The following PMEL variants were observed in gnomAD, a reference collection of about 807,000 sequenced individuals.
PMEL encodes premelanosome protein.
Under a neutral mutation model 64.9 loss-of-function variants are expected in PMEL, and 53 were observed. The observed-to-expected ratio is 0.82, with a 90% CI of 0.66 to 1.03. The LOEUF (loss-of-function observed/expected upper bound fraction) is 1.03. PMEL is among the 50% of genes least tolerant of loss of function. The pLI, the probability that PMEL is intolerant of heterozygous loss-of-function variation, is 0.00. For synonymous variants in PMEL, 299 were observed against 316.2 expected (o/e 0.95, Z 0.58); for missense variants, 716 against 814.9 (o/e 0.88, Z 1.48).
chr12:55,965,116 C>T (rs994939459), intron 1 of PMEL, among the ~76,000 whole-genome samples: 3 of 149,804 alleles, frequency 2.0e-5, no homozygotes, highest in Admixed American at 6.7e-5. Context: ...TTAGTAGAGA[C>T]GGGGGTTTCA....
chr12:55,962,634 G>C (rs1421885807), intron 1 of PMEL, among the ~76,000 whole-genome samples: 1 of 137,154 alleles, frequency 7.3e-6, no homozygotes, highest in African/African-American at 2.8e-5. Context: ...AGCAATTCTC[G>C]TTCCTCAGCC....
intron 3 of PMEL, among the ~76,000 whole-genome samples, chr12:55,959,791 C>T (rs1453553956): frequency 2.6e-5 from 4 of 152,020 alleles, no homozygotes; most frequent in African/African-American, 4.8e-5. Flanking sequence ...AGCGACACAG[C>T]GAGACTCTGT....
rs748556254 is a variant in PMEL, at chr12:55,954,187, G to A, written c.*27C>T. The A allele has an allele frequency of 6.4e-7, 1 of 1,574,550 alleles. No homozygotes were observed. The highest frequency in any genetic ancestry group is 8.6e-7 in the Non-Finnish European group (1 of 1,161,836). ...ATATAGGTGTTTCTGTCAACTCCAG[G>A]AAAATCACAGCATCATATGAGAGTA... is the stretch of plus-strand genomic sequence containing the variant. On this transcript the variant is annotated 3_prime_UTR_variant, in exon 11 of 11. Transcript: ENST00000548747.
In PMEL at chr12:55,955,276, A is replaced by G. The variant is rs1194021963; in HGVS notation, c.1848T>C (p.Tyr616=). 2 of 1,603,236 alleles carry G rather than the reference A, an allele frequency of 1.2e-6. No individual in the cohort carries two copies. Among genetic ancestry groups the G allele is most frequent in the Non-Finnish European group, 1.7e-6 (2 of 1,170,068 alleles). ...GAGCTGTGTGATGAGGCCCTTACCT[A>G]TATATCAGAGATGCAAGGACCACAG... ...LMAVVLASLI[Y]RRRLMKQDFS... Residue 616 remains tyrosine, a splice_region_variant and synonymous_variant, in exon 10 of 11, where the codon TAT becomes TAC. Transcript: ENST00000548747.
intron 1 of PMEL, among the ~76,000 whole-genome samples, chr12:55,964,392 T>G (rs1309578548): frequency 6.6e-6 from 1 of 151,688 alleles, no homozygotes; most frequent in African/African-American, 2.4e-5. Flanking sequence ...ACTCCCAACT[T>G]CAGCTGATCC....
At chr12:55,957,862 A>T (rs1327941775) in intron 5 of PMEL, 61 bp downstream of exon 5, 13 of 1,595,870 alleles carry the variant, frequency 8.1e-6, no homozygotes, top group African/African-American at 1.3e-5. Context: ...TTTCCAGTCC[A>T]TCCAAGCCTC....
intron 6 of PMEL, chr12:55,956,529 A>C: frequency 2.9e-6 from 1 of 342,556 alleles, no homozygotes; most frequent in South Asian, 5.3e-5. Flanking sequence ...TCATTTAAGC[A>C]TCACTGTTTC....
rs79091050 is a variant in PMEL, at chr12:55,958,224, G to A, written c.470-140C>T. On this transcript the variant is annotated intron_variant, in intron 4 of 10. Transcript: ENST00000548747. ...AGGGTGTTTGGAAGGCTGTGATATG[G>A]GGGGACAGGGAAGGGGTCCTAATGA... The A allele has an allele frequency of 7.1e-4, 654 of 924,420 alleles. 1 individual carries two copies. Among genetic ancestry groups the A allele is most frequent in the Non-Finnish European group, 9.7e-4 (602 of 621,936 alleles). The allele number at this position is 924,420 out of a possible 1,614,324, so 57.3% of individuals were successfully genotyped here. A position where few individuals can be genotyped will look rare whatever the true frequency, so the allele number is the denominator to read the frequency against.
intron 1 of PMEL, among the ~76,000 whole-genome samples, chr12:55,963,666 T>C (rs1186375090): frequency 2.6e-5 from 4 of 152,184 alleles, no homozygotes; most frequent in Non-Finnish European, 5.9e-5. Flanking sequence ...GTGAACAGAC[T>C]CTTTCCAGGA....
chr12:55,963,958 G>T (rs1331874320), intron 1 of PMEL, among the ~76,000 whole-genome samples: 1 of 147,406 alleles, frequency 6.8e-6, no homozygotes, highest in Non-Finnish European at 1.5e-5. Flanking sequence ...TCCCTTTCCT[G>T]CAGAAACTTC....
At chr12:55,966,170 T>C, upstream of PMEL, 1 of 1,102,334 alleles carries the variant, frequency 9.1e-7, no homozygotes, top group Non-Finnish European at 1.3e-6. Flanking sequence ...AAAGGGATCC[T>C]GGTCCCTAGA....
At position 55,955,763 on chromosome 12, in the gene PMEL, C is replaced by G; in HGVS notation, c.1556+16G>C. The G allele has an allele frequency of 1.2e-6, 2 of 1,611,546 alleles. No individual in the cohort carries two copies. The highest frequency in any genetic ancestry group is 1.7e-6 in the Non-Finnish European group (2 of 1,177,626). On this transcript the variant is annotated intron_variant, in intron 8 of 10. Transcript: ENST00000548747. The stretch of plus-strand genomic sequence containing the variant: ...AGTCAACCAAAGAGTTACCAGCACA[C>G]TAGTGAGACACTCACCCGCCTTGGC...
At chr12:55,962,471 A>AAC (rs1889140353) in intron 1 of PMEL, among the ~76,000 whole-genome samples, 1 of 134,142 alleles carries the variant, frequency 7.5e-6, no homozygotes, top group Non-Finnish European at 1.6e-5. Context: ...AAAAAAAAAA[A>AAC]CACAAAAAAC....
In PMEL at chr12:55,961,317, C is replaced by T. The variant is rs772344361; in HGVS notation, c.334G>A (p.Gly112Arg). The change falls in exon 3 of 11, where the codon GGG becomes AGG. Residue 112 changes from glycine (G) to arginine (R), a missense_variant and splice_region_variant. Coordinates refer to ENST00000548747, the MANE Select transcript of PMEL (RefSeq NM_001384361.1). ...GGACCTAGAATAGAGAAGTACTCACCATTGATGATGGTATTGTTGACCCAG... is the reference window on the plus strand; with the variant it reads ...GGACCTAGAATAGAGAAGTACTCACTATTGATGATGGTATTGTTGACCCAG... ...VIWVNNTIIN[G>R]SQVWGGQPVY... 4 of 1,614,064 alleles carry T rather than the reference C, an allele frequency of 2.5e-6. No individual in the cohort carries two copies. Among genetic ancestry groups the T allele is most frequent in the Non-Finnish European group, 3.4e-6 (4 of 1,179,942 alleles).
chr12:55,957,193 C>T lies in PMEL; in HGVS notation c.1110G>A (p.Glu370=). ...STAPVQMPTA[E]STGMTPEKVP... ...CCTTCTCAGGTGTCATACCTGTGCTCTCTGCAGTTGGCATCTGCACAGGTG... is the reference window on the plus strand; with the variant it reads ...CCTTCTCAGGTGTCATACCTGTGCTTTCTGCAGTTGGCATCTGCACAGGTG... Residue 370 remains glutamate, a synonymous_variant, in exon 6 of 11, where the codon GAG becomes GAA. Transcript: ENST00000548747. The T allele has an allele frequency of 6.2e-7, 1 of 1,614,200 alleles. No individual in the cohort carries two copies. Among genetic ancestry groups the T allele is most frequent in the South Asian group, 1.1e-5 (1 of 91,078 alleles).
At chr12:55,963,990 CCCTTT>C (rs941994924) in intron 1 of PMEL, among the ~76,000 whole-genome samples, 3 of 151,956 alleles carry the variant, frequency 2.0e-5, no homozygotes, top group African/African-American at 7.3e-5. Flanking sequence ...TTTCCCTTTC[CCCTTT>C]CCTTTCCTTT....
chr12:55,966,321 G>C (rs2069392), upstream of PMEL: 6,794 of 373,152 alleles, frequency 0.018, 423 homozygotes, highest in African/African-American at 0.13. Flanking sequence ...ATGGGAGAGT[G>C]AATTAAACCA....
At position 55,956,937 on chromosome 12, in the gene PMEL, T is replaced by C. The variant is rs1360001447; in HGVS notation, c.1354+12A>G. 5 of 1,612,624 alleles carry C rather than the reference T, an allele frequency of 3.1e-6. No individual in the cohort carries two copies. The African/African-American group carries it at 6.7e-5, about 22-fold the overall frequency. On this transcript the variant is annotated intron_variant, in intron 6 of 10. Coordinates refer to ENST00000548747, the MANE Select transcript of PMEL (RefSeq NM_001384361.1). ...CCACCTCCGTGAACCTCATTCGCAC[T>C]GATACTCTTACCTGTAATACTTTCC...
chr12:55,957,841 C>T, intron 5 of PMEL, 82 bp downstream of exon 5: 1 of 1,563,812 alleles, frequency 6.4e-7, no homozygotes, highest in Non-Finnish European at 8.7e-7. Context: ...CACAGCATTT[C>T]ACCTTTCTCC....
Sources: gnomAD v4.1 joint callset for allele counts (sites outside exome capture counted in the v4.1 genomes callset) on GRCh38, gnomAD v4.1.1 for gene constraint, MANE v1.5 for transcripts, NCBI Gene and HGNC (gene_info 2026-07-23, HGNC 2026-07-21) for gene names.